Variants in KCNQ5 observed in about 807,000 individuals in gnomAD.
The protein encoded by KCNQ5 is potassium voltage-gated channel subfamily KQT member 5.
KCNQ5 carries 30 observed loss-of-function variants against 98.2 expected under a neutral mutation model. The ratio of observed to expected loss-of-function variants is 0.31; its 90% CI spans 0.23 to 0.41. The LOEUF (loss-of-function observed/expected upper bound fraction) is 0.41. Among genes scored for constraint, KCNQ5 ranks in the 10% least tolerant of loss-of-function variants. The probability of loss-of-function intolerance (pLI) is 1.00; values close to 1 mark genes in which losing one functional copy is unlikely to be tolerated. For synonymous variants in KCNQ5, 458 were observed against 449.4 expected (o/e 1.02, Z -0.24); for missense variants, 835 against 1,182.5 (o/e 0.71, Z 4.31).
chr6:72,643,648 C>CA (rs199782607), intron 1 of KCNQ5, among the ~76,000 whole-genome samples: 1,700 of 151,544 alleles, frequency 0.011, 27 homozygotes, highest in African/African-American at 0.039. Context: ...TTCAAATTTT[C>CA]AAAAAAAACC....
chr6:73,144,224 A>G (rs914900488), intron 10 of KCNQ5, among the ~76,000 whole-genome samples: 1 of 152,136 alleles, frequency 6.6e-6, no homozygotes, highest in Non-Finnish European at 1.5e-5. Flanking sequence ...ACTCCCTGAC[A>G]TTGTCCCAAA....
At chr6:73,092,969 G>A (rs1774318317) in intron 5 of KCNQ5, among the ~76,000 whole-genome samples, 1 of 152,018 alleles carries the variant, frequency 6.6e-6, no homozygotes, top group African/African-American at 2.4e-5. Flanking sequence ...GTGGAATAGT[G>A]TCAATAGGAC....
At chr6:72,986,785 A>G in intron 1 of KCNQ5, 10 of 1,460,030 alleles carry the variant, frequency 6.8e-6, no homozygotes, top group Admixed American at 1.7e-5. Flanking sequence ...AGGAAACCAG[A>G]GTTGGCAAGA....
intron 1 of KCNQ5, 100 bp from the exon 2 acceptor site, chr6:73,003,808 A>G: frequency 1.3e-6 from 1 of 746,642 alleles, no homozygotes. Context: ...AATGTGTGCT[A>G]ATTTAATGGG....
intron 1 of KCNQ5, among the ~76,000 whole-genome samples, chr6:72,723,266 C>T (rs982321382): frequency 6.6e-6 from 1 of 152,130 alleles, no homozygotes; most frequent in Non-Finnish European, 1.5e-5. Context: ...GGTACTTACT[C>T]TTAATTATTT....
intron 1 of KCNQ5, among the ~76,000 whole-genome samples, chr6:72,770,723 A>G (rs920972871): frequency 2.0e-5 from 3 of 152,140 alleles, no homozygotes; most frequent in South Asian, 2.1e-4. Context: ...CTAATTTAGT[A>G]TTTGCATGCG....
At chr6:73,033,919 AAGG>A (rs1170229556) in intron 2 of KCNQ5, among the ~76,000 whole-genome samples, 1 of 152,214 alleles carries the variant, frequency 6.6e-6, no homozygotes, top group African/African-American at 2.4e-5. Context: ...CCCAAAAAGT[AAGG>A]AGAAGCTTGA....
At chr6:73,193,836 CTTTTT>C (rs71540369) in intron 13 of KCNQ5, among the ~76,000 whole-genome samples, 2 of 124,554 alleles carry the variant, frequency 1.6e-5, no homozygotes, top group African/African-American at 3.0e-5. Context: ...AATGGGAAGT[CTTTTT>C]TTTTTTTTTT....
chr6:72,758,320 TG>T (rs1162009602), intron 1 of KCNQ5, among the ~76,000 whole-genome samples: 1 of 152,186 alleles, frequency 6.6e-6, no homozygotes, highest in Non-Finnish European at 1.5e-5. Context: ...CTTTCTATTT[TG>T]CTGTTCATCT....
chr6:72,952,532 T>C (rs1312492306), intron 1 of KCNQ5, among the ~76,000 whole-genome samples: 3 of 152,190 alleles, frequency 2.0e-5, no homozygotes, highest in Non-Finnish European at 4.4e-5. Context: ...TAGAAAATAT[T>C]TTTATAGTGG....
intron 2 of KCNQ5, among the ~76,000 whole-genome samples, chr6:73,014,524 C>G (rs1770228557): frequency 6.6e-6 from 1 of 151,966 alleles, no homozygotes; most frequent in Admixed American, 6.6e-5. Context: ...CCAGGCTTTC[C>G]CAAACATCCA....
chr6:72,890,366 T>C lies in KCNQ5; in HGVS notation c.399-113542T>C, dbSNP rs117570499. Among the ~76,000 whole-genome samples the C allele has an allele frequency of 5.4e-3, 823 of 152,316 alleles. 12 individuals are homozygous for C. Among genetic ancestry groups the C allele is most frequent in the East Asian group, 0.02 (105 of 5,182 alleles). ...ATGCCATATTGTTAACTATAGGTAC[T>C]ATATTGTACAGCAGATCTCTAGAAC... On this transcript the variant is annotated intron_variant, in intron 1 of 13. Coordinates refer to ENST00000370398, the MANE Select transcript of KCNQ5 (RefSeq NM_019842.4).
At chr6:73,178,810 T>A (rs1778307140) in intron 11 of KCNQ5, among the ~76,000 whole-genome samples, 1 of 152,194 alleles carries the variant, frequency 6.6e-6, no homozygotes. Flanking sequence ...CTGTCAGAGT[T>A]TAAATACTGT....
chr6:73,081,050 T>G (rs987587226), intron 5 of KCNQ5, among the ~76,000 whole-genome samples: 6 of 152,222 alleles, frequency 3.9e-5, no homozygotes, highest in African/African-American at 1.4e-4. Flanking sequence ...ATATGAGAGC[T>G]ATTGTTGGTG....
intron 1 of KCNQ5, among the ~76,000 whole-genome samples, chr6:72,739,560 T>A (rs1022377322): frequency 6.6e-6 from 1 of 152,252 alleles, no homozygotes; most frequent in African/African-American, 2.4e-5. Flanking sequence ...GCCGCCTCAC[T>A]AAATTTCATT....
At chr6:72,852,257 A>C (rs1777292789) in intron 1 of KCNQ5, among the ~76,000 whole-genome samples, 1 of 152,024 alleles carries the variant, frequency 6.6e-6, no homozygotes, top group Non-Finnish European at 1.5e-5. Context: ...TGGATGTTAA[A>C]TTTTCTGGAT....
intron 1 of KCNQ5, among the ~76,000 whole-genome samples, chr6:72,808,602 C>A (rs191326471): frequency 4.6e-5 from 7 of 152,232 alleles, no homozygotes; most frequent in African/African-American, 1.7e-4. Flanking sequence ...AGTGCCCCAG[C>A]ACTTTCAAGG....
intron 3 of KCNQ5, among the ~76,000 whole-genome samples, chr6:73,057,718 C>T (rs1179260336): frequency 6.6e-6 from 1 of 151,984 alleles, no homozygotes; most frequent in East Asian, 1.9e-4. Flanking sequence ...TATCAAACTA[C>T]CAGTTCTTCA....
intron 11 of KCNQ5, among the ~76,000 whole-genome samples, chr6:73,175,479 G>A (rs1582489253): frequency 6.6e-6 from 1 of 152,114 alleles, no homozygotes. Context: ...CAACCATGAA[G>A]AGCAATCATG....
Sources: allele counts gnomAD v4.1 joint callset (sites outside exome capture counted in the v4.1 genomes callset), GRCh38; gene constraint gnomAD v4.1.1; transcripts MANE v1.5; gene names NCBI Gene and HGNC (gene_info 2026-07-23, HGNC 2026-07-21).